The following PKN2 variants were observed in gnomAD, a reference collection of about 807,000 sequenced individuals.
PKN2 encodes the protein protein kinase N2.
In PKN2, 38 loss-of-function variants were observed where a neutral mutation model predicts 119.1. The ratio of observed to expected loss-of-function variants is 0.32; its 90% CI spans 0.25 to 0.42. The LOEUF (loss-of-function observed/expected upper bound fraction) is 0.42. Among genes scored for constraint, PKN2 ranks in the 10% least tolerant of loss-of-function variants. PKN2 has a pLI of 1.00. For synonymous variants in PKN2, 390 were observed against 384.9 expected (o/e 1.01, Z -0.15); for missense variants, 850 against 1,165.1 (o/e 0.73, Z 3.94).
At chr1:88,763,566 C>T (rs1164595532) in intron 3 of PKN2, among the ~76,000 whole-genome samples, 1 of 135,516 alleles carries the variant, frequency 7.4e-6, no homozygotes, top group African/African-American at 2.8e-5. Flanking sequence ...AAGATCGTGC[C>T]ATTGCACTCC....
intron 8 of PKN2, among the ~76,000 whole-genome samples, chr1:88,796,489 T>TA (rs1301736434): frequency 6.6e-6 from 1 of 152,206 alleles, no homozygotes; most frequent in Non-Finnish European, 1.5e-5. Flanking sequence ...CATTTCTACT[T>TA]ATATTCTAGG....
intron 6 of PKN2, among the ~76,000 whole-genome samples, chr1:88,774,248 G>C: frequency 6.6e-6 from 1 of 152,182 alleles, no homozygotes; most frequent in Middle Eastern, 3.2e-3. Context: ...TGGGTGTGCA[G>C]AATTTTCATT....
At chr1:88,820,350 A>T (rs2100912941) in intron 16 of PKN2, among the ~76,000 whole-genome samples, 1 of 150,146 alleles carries the variant, frequency 6.7e-6, no homozygotes, top group East Asian at 2.0e-4. Flanking sequence ...GCCTGACCAC[A>T]TGGAGAAACC....
Position 88,756,524 on chromosome 1 carries a change from G to A in PKN2, c.350-3698G>A, listed in dbSNP as rs898656211. 1.1e-4 allele frequency among the ~76,000 whole-genome samples: 16 copies of A among 152,046 alleles called. 1 individual carries two copies. The highest frequency in any genetic ancestry group is 3.4e-4 in the African/African-American group (14 of 41,414). On this transcript the variant is annotated intron_variant, in intron 2 of 21. Transcript: ENST00000370521. ...TCCTAGGCTAAATACACCATCAACT[G>A]TTTTACAGACAACACATTTTCATAC...
At chr1:88,763,482 C>T (rs968302198) in intron 3 of PKN2, among the ~76,000 whole-genome samples, 1 of 151,944 alleles carries the variant, frequency 6.6e-6, no homozygotes, top group Non-Finnish European at 1.5e-5. Context: ...TGGTGCATGC[C>T]TGTAATCCCA....
chr1:88,778,673 G>T (rs1670203192), intron 6 of PKN2, among the ~76,000 whole-genome samples: 1 of 151,706 alleles, frequency 6.6e-6, no homozygotes, highest in Admixed American at 6.6e-5. Context: ...CATTGTTTTT[G>T]ACAGATGCCC....
In PKN2 at chr1:88,835,500, A is replaced by AGG. The variant is rs1286589372; in HGVS notation, c.*2053_*2054dup. ...GAAGTCAATCACTAAAAAAATTAGA[A>AGG]GGCAGGGTCTATTTACACAATTAAG... On this transcript the variant is annotated 3_prime_UTR_variant, in exon 22 of 22. Coordinates refer to ENST00000370521, the MANE Select transcript of PKN2 (RefSeq NM_006256.4). 6 of 151,318 alleles carry AGG rather than the reference A, an allele frequency of 4.0e-5. No individual in the cohort carries two copies. The highest frequency in any genetic ancestry group is 1.2e-4 in the African/African-American group (5 of 41,296). The allele number at this position is 151,318 out of a possible 1,614,324, so 9.4% of individuals were successfully genotyped here. A position where few individuals can be genotyped will look rare whatever the true frequency, so the allele number is the denominator to read the frequency against.
chr1:88,687,657 A>G (rs984393220), intron 1 of PKN2, among the ~76,000 whole-genome samples: 1 of 152,192 alleles, frequency 6.6e-6, no homozygotes, highest in Non-Finnish European at 1.5e-5. Context: ...TGGTCTGGGA[A>G]TCTTAAATTC....
chr1:88,774,988 C>G (rs71666205), intron 6 of PKN2, among the ~76,000 whole-genome samples: 1 of 152,142 alleles, frequency 6.6e-6, no homozygotes, highest in Non-Finnish European at 1.5e-5. Context: ...GGATTATAGG[C>G]GTGAGCCACT....
intron 20 of PKN2, 88 bp downstream of exon 20, chr1:88,832,939 T>C: frequency 8.4e-7 from 1 of 1,193,914 alleles, no homozygotes; most frequent in Non-Finnish European, 1.2e-6. Flanking sequence ...CTTTAAAAGC[T>C]GTTTTTCAGT....
At chr1:88,705,681 G>C (rs1331959621) in intron 1 of PKN2, among the ~76,000 whole-genome samples, 1 of 152,132 alleles carries the variant, frequency 6.6e-6, no homozygotes, top group East Asian at 1.9e-4. Flanking sequence ...CTGGGTGACA[G>C]AGTGAGACTC....
At chr1:88,705,291 C>T (rs1294464114) in intron 1 of PKN2, among the ~76,000 whole-genome samples, 1 of 151,988 alleles carries the variant, frequency 6.6e-6, no homozygotes, top group Admixed American at 6.6e-5. Context: ...TTAGGTTTTA[C>T]ATTTAGTTTT....
chr1:88,765,087 T>G (rs1669607692), intron 3 of PKN2, among the ~76,000 whole-genome samples: 1 of 147,088 alleles, frequency 6.8e-6, no homozygotes, highest in East Asian at 1.9e-4. Context: ...CCACTATGCC[T>G]GGCTACTTTT....
chr1:88,803,574 C>A (rs1378925414), intron 8 of PKN2, among the ~76,000 whole-genome samples: 2 of 152,118 alleles, frequency 1.3e-5, no homozygotes, highest in African/African-American at 4.8e-5. Flanking sequence ...TTGGCCACAG[C>A]TTAGGAACTA....
chr1:88,800,370 T>C (rs1671256249), intron 8 of PKN2, among the ~76,000 whole-genome samples: 1 of 152,232 alleles, frequency 6.6e-6, no homozygotes, highest in Non-Finnish European at 1.5e-5. Context: ...TAATGGGACA[T>C]GTCTGCCTGT....
intron 3 of PKN2, among the ~76,000 whole-genome samples, chr1:88,766,307 A>G (rs1354239316): frequency 6.6e-6 from 1 of 152,210 alleles, no homozygotes; most frequent in Admixed American, 6.5e-5. Context: ...TAAATACATG[A>G]TGAAAAAAAT....
chr1:88,765,161 T>C (rs1275926467), intron 3 of PKN2, among the ~76,000 whole-genome samples: 7 of 151,894 alleles, frequency 4.6e-5, no homozygotes, highest in Non-Finnish European at 1.0e-4. Flanking sequence ...GCTCCTGACC[T>C]CAAGTGATCC....
chr1:88,760,096 T>C, intron 2 of PKN2, 126 bp from the exon 3 acceptor site: 2 of 575,990 alleles, frequency 3.5e-6, no homozygotes, highest in Non-Finnish European at 6.1e-6. Flanking sequence ...TATCTATAAG[T>C]ATAAGGAGAT....
In PKN2 at chr1:88,695,015, T is replaced by G. The variant is rs1041436525; in HGVS notation, c.48+10387T>G. Among the ~76,000 whole-genome samples, 5 of 152,024 alleles carry G rather than the reference T, an allele frequency of 3.3e-5. No homozygotes were observed. In the South Asian group the frequency reaches 6.2e-4, roughly 19 times the overall value. Reference sequence around the variant, plus strand: ...GGTGGCGGGCGCCTGTAGTCCCAGCTATTCTGGAGGCTGAGGCAGGAGAAT... The same window carrying G: ...GGTGGCGGGCGCCTGTAGTCCCAGCGATTCTGGAGGCTGAGGCAGGAGAAT... On this transcript the variant is annotated intron_variant, in intron 1 of 21. Coordinates refer to ENST00000370521, the MANE Select transcript of PKN2 (RefSeq NM_006256.4).
Sources: gnomAD v4.1 joint callset for allele counts (sites outside exome capture counted in the v4.1 genomes callset) on GRCh38, gnomAD v4.1.1 for gene constraint, MANE v1.5 for transcripts, NCBI Gene and HGNC (gene_info 2026-07-23, HGNC 2026-07-21) for gene names.